The following FSHR variants were observed in gnomAD, a reference collection of about 807,000 sequenced individuals.
FSHR encodes follicle stimulating hormone receptor.
A neutral mutation model predicts 52.1 loss-of-function variants in FSHR; 46 were observed. The observed-to-expected ratio is 0.88, with a 90% CI of 0.70 to 1.13. The LOEUF is 1.13. Among genes scored for constraint, FSHR ranks in the 50% most tolerant of loss-of-function variants. The pLI is 0.00. For synonymous variants in FSHR, 399 were observed against 309.6 expected (o/e 1.29, Z -3.03); for missense variants, 964 against 834.6 (o/e 1.16, Z -1.91).
At chr2:48,965,896 C>G (rs1573015646) in intron 9 of FSHR, among the ~76,000 whole-genome samples, 2 of 152,162 alleles carry the variant, frequency 1.3e-5, no homozygotes, top group African/African-American at 4.8e-5. Context: ...TTTGGAAAAT[C>G]CTAATTATCA....
chr2:49,117,864 G>C (rs1671660571), intron 1 of FSHR, among the ~76,000 whole-genome samples: 1 of 152,122 alleles, frequency 6.6e-6, no homozygotes, highest in South Asian at 2.1e-4. Flanking sequence ...GCTCGATTTT[G>C]CGTGACAGTG....
chr2:49,110,918 A>G (rs1305805123), intron 1 of FSHR, among the ~76,000 whole-genome samples: 1 of 152,114 alleles, frequency 6.6e-6, no homozygotes, highest in Non-Finnish European at 1.5e-5. Context: ...ATTTAAGGGG[A>G]CTGATTCTTA....
intron 1 of FSHR, among the ~76,000 whole-genome samples, chr2:49,078,376 C>A (rs1035735202): frequency 2.6e-5 from 4 of 152,162 alleles, no homozygotes; most frequent in Non-Finnish European, 5.9e-5. Context: ...CACCAGGTCC[C>A]TGCCATACTA....
chr2:49,116,942 T>C (rs1056231973), intron 1 of FSHR, among the ~76,000 whole-genome samples: 8 of 152,200 alleles, frequency 5.3e-5, no homozygotes, highest in Non-Finnish European at 1.0e-4. Context: ...TTGATATGAA[T>C]GGAAACATTT....
intron 4 of FSHR, among the ~76,000 whole-genome samples, chr2:49,005,556 G>A (rs1667048131): frequency 6.6e-6 from 1 of 152,122 alleles, no homozygotes; most frequent in Admixed American, 6.5e-5. Flanking sequence ...TCTGCAAGAT[G>A]ACTCTGTGTG....
intron 1 of FSHR, among the ~76,000 whole-genome samples, chr2:49,134,836 A>G (rs1464716167): frequency 6.6e-6 from 1 of 152,034 alleles, no homozygotes; most frequent in Non-Finnish European, 1.5e-5. Flanking sequence ...AACACCGCAT[A>G]TTCTCACTCA....
intron 2 of FSHR, among the ~76,000 whole-genome samples, chr2:49,048,501 A>G (rs940659399): frequency 2.6e-5 from 4 of 152,230 alleles, no homozygotes; most frequent in African/African-American, 7.2e-5. Context: ...AATGGGAAAC[A>G]GAGCAAACAT....
At chr2:49,132,377 T>C (rs575542446) in intron 1 of FSHR, among the ~76,000 whole-genome samples, 1 of 152,308 alleles carries the variant, frequency 6.6e-6, no homozygotes, top group South Asian at 2.1e-4. Flanking sequence ...AATCTCTTCT[T>C]TCCCTTTAAT....
intron 6 of FSHR, among the ~76,000 whole-genome samples, chr2:48,985,575 C>A (rs891965536): frequency 2.0e-5 from 3 of 151,934 alleles, no homozygotes; most frequent in African/African-American, 7.3e-5. Flanking sequence ...TTGCTCACTT[C>A]TCTGATTCAC....
intron 4 of FSHR, among the ~76,000 whole-genome samples, chr2:49,000,384 A>G (rs1666823742): frequency 6.6e-6 from 1 of 152,144 alleles, no homozygotes. Flanking sequence ...CTTGAATGTA[A>G]AAAAATAAAT....
At chr2:49,148,179 C>T (rs939360121) in intron 1 of FSHR, among the ~76,000 whole-genome samples, 3 of 151,950 alleles carry the variant, frequency 2.0e-5, no homozygotes, top group African/African-American at 7.2e-5. Context: ...CAAGTATTAT[C>T]ACGTAAGTCA....
At chr2:49,108,288 A>G (rs1392810988) in intron 1 of FSHR, among the ~76,000 whole-genome samples, 1 of 152,116 alleles carries the variant, frequency 6.6e-6, no homozygotes, top group East Asian at 1.9e-4. Flanking sequence ...CAGCTGGCAG[A>G]TTGTAGATTG....
chr2:48,998,106 G>C (rs1449368535), intron 4 of FSHR, among the ~76,000 whole-genome samples: 2 of 152,040 alleles, frequency 1.3e-5, no homozygotes, highest in Admixed American at 6.6e-5. Flanking sequence ...ACCTAGAGTT[G>C]ATAAATTAAA....
chr2:49,071,769 G>A (rs1669741623), intron 1 of FSHR, among the ~76,000 whole-genome samples: 2 of 152,038 alleles, frequency 1.3e-5, no homozygotes, highest in South Asian at 4.2e-4. Context: ...TGGCAGTAGG[G>A]GAAGGAGGAC....
chr2:49,116,907 C>T (rs1359118051), intron 1 of FSHR, among the ~76,000 whole-genome samples: 1 of 152,184 alleles, frequency 6.6e-6, no homozygotes, highest in Non-Finnish European at 1.5e-5. Context: ...TTACTTCCTA[C>T]CCCATTCTAT....
At chr2:49,010,840 T>C (rs1429119914) in intron 4 of FSHR, among the ~76,000 whole-genome samples, 1 of 152,206 alleles carries the variant, frequency 6.6e-6, no homozygotes, top group Non-Finnish European at 1.5e-5. Flanking sequence ...TATTCTCTCA[T>C]GGTAGTTTGT....
chr2:49,117,490 A>G (rs779814727), intron 1 of FSHR, among the ~76,000 whole-genome samples: 5 of 152,206 alleles, frequency 3.3e-5, no homozygotes, highest in East Asian at 1.9e-4. Flanking sequence ...CTGGAATTCA[A>G]TCTGACTCAT....
At chr2:48,969,350 A>G (rs1169809264) in intron 8 of FSHR, among the ~76,000 whole-genome samples, 1 of 152,230 alleles carries the variant, frequency 6.6e-6, no homozygotes, top group Non-Finnish European at 1.5e-5. Context: ...ATATACTACA[A>G]GAGGAAGAAG....
chr2:49,116,396 T>C (rs1314596104), intron 1 of FSHR, among the ~76,000 whole-genome samples: 3 of 152,122 alleles, frequency 2.0e-5, no homozygotes, highest in Admixed American at 6.6e-5. Context: ...AGGTGGAGGA[T>C]GTGGGCTTCA....
Sources: allele counts gnomAD v4.1 joint callset (sites outside exome capture counted in the v4.1 genomes callset), GRCh38; gene constraint gnomAD v4.1.1; transcripts MANE v1.5; gene names NCBI Gene and HGNC (gene_info 2026-07-23, HGNC 2026-07-21).